The following FRMPD4 variants were observed in gnomAD, a reference collection of about 807,000 sequenced individuals.
The protein encoded by FRMPD4 is FERM and PDZ domain containing 4.
FRMPD4 carries 22 observed loss-of-function variants against 94.1 expected under a neutral mutation model. The observed-to-expected ratio is 0.23, with a 90% CI of 0.17 to 0.33. FRMPD4 has a LOEUF of 0.33. Ranked by LOEUF, FRMPD4 falls within the 10% of genes least tolerant of loss-of-function variation. The pLI is 1.00. For synonymous variants in FRMPD4, 631 were observed against 548.6 expected (o/e 1.15, Z -2.10); for missense variants, 1,111 against 1,339.9 (o/e 0.83, Z 2.67).
chrX:12,617,355 A>G (rs867611677), intron 4 of FRMPD4, among the ~76,000 whole-genome samples: 13 of 112,573 alleles, frequency 1.2e-4, no homozygotes, highest in Non-Finnish European at 2.3e-4. Context: ...CATTTTATCT[A>G]TGTCTGCTTT....
chrX:11,860,860 G>A (rs771476494), intron 1 of FRMPD4, among the ~76,000 whole-genome samples: 2 of 111,785 alleles, frequency 1.8e-5, no homozygotes, highest in East Asian at 5.6e-4. Context: ...TATCCTGGGA[G>A]ATGAAGTTTG....
intron 4 of FRMPD4, among the ~76,000 whole-genome samples, chrX:12,617,261 T>C (rs1472557796): frequency 8.9e-6 from 1 of 112,318 alleles, no homozygotes; most frequent in Non-Finnish European, 1.9e-5. Flanking sequence ...AAAAAATATA[T>C]TTTGTGACAC....
intron 1 of FRMPD4, among the ~76,000 whole-genome samples, chrX:12,168,376 A>AC (rs1915621729): frequency 9.1e-6 from 1 of 109,725 alleles, no homozygotes; most frequent in Admixed American, 9.7e-5. Flanking sequence ...GGAAAAAAAA[A>AC]AAAAAACAAC....
At chrX:11,974,360 C>T (rs2054356440) in intron 3 of FRMPD4, among the ~76,000 whole-genome samples, 1 of 111,691 alleles carries the variant, frequency 9.0e-6, no homozygotes, top group Admixed American at 9.4e-5. Flanking sequence ...CCTCTCTTGC[C>T]ATGTGATTTT....
intron 3 of FRMPD4, among the ~76,000 whole-genome samples, chrX:12,061,538 G>T (rs1345072749): frequency 8.9e-6 from 1 of 111,750 alleles, no homozygotes; most frequent in African/African-American, 3.2e-5. Flanking sequence ...AACCAGTTAG[G>T]AAGATACAGA....
intron 1 of FRMPD4, among the ~76,000 whole-genome samples, chrX:12,195,542 A>G (rs2056556807): frequency 8.9e-6 from 1 of 111,894 alleles, no homozygotes; most frequent in East Asian, 2.8e-4. Flanking sequence ...GCGGAAGCCC[A>G]TCTTAGTTAG....
chrX:11,871,731 G>C (rs1473009281), intron 2 of FRMPD4, among the ~76,000 whole-genome samples: 1 of 111,969 alleles, frequency 8.9e-6, no homozygotes, highest in Non-Finnish European at 1.9e-5. Context: ...TGTGGAGAGA[G>C]TGAAGTGGAC....
At chrX:12,232,476 C>T (rs1182697275) in intron 1 of FRMPD4, among the ~76,000 whole-genome samples, 2 of 110,458 alleles carry the variant, frequency 1.8e-5, no homozygotes, top group African/African-American at 6.6e-5. Context: ...GGGAAGCTGC[C>T]CCCATGATTC....
intron 3 of FRMPD4, among the ~76,000 whole-genome samples, chrX:11,987,425 A>G (rs1432096151): frequency 9.0e-6 from 1 of 111,696 alleles, no homozygotes; most frequent in Admixed American, 9.5e-5. Flanking sequence ...ATACCTCAAC[A>G]TGATAAAAGC....
intron 3 of FRMPD4, among the ~76,000 whole-genome samples, chrX:12,610,486 G>A (rs1219632725): frequency 8.9e-6 from 1 of 112,693 alleles, no homozygotes; most frequent in Non-Finnish European, 1.9e-5. Context: ...AGTGGCTCAC[G>A]CCATAATCCC....
At chrX:12,071,314 A>G (rs2054966277) in intron 3 of FRMPD4, among the ~76,000 whole-genome samples, 1 of 110,700 alleles carries the variant, frequency 9.0e-6, no homozygotes, top group Non-Finnish European at 1.9e-5. Flanking sequence ...CCCTTTTTAA[A>G]TGACAGGAAC....
chrX:12,371,491 G>A (rs897974813), intron 1 of FRMPD4, among the ~76,000 whole-genome samples: 3 of 112,583 alleles, frequency 2.7e-5, no homozygotes, highest in African/African-American at 6.5e-5. Flanking sequence ...AACTGAGCAC[G>A]AAATTCCTAC....
intron 4 of FRMPD4, among the ~76,000 whole-genome samples, chrX:12,635,551 T>G (rs1420348222): frequency 9.0e-6 from 1 of 111,442 alleles, no homozygotes; most frequent in East Asian, 2.8e-4. Context: ...GTATGGTGAC[T>G]GTCTACCTCT....
intron 2 of FRMPD4, among the ~76,000 whole-genome samples, chrX:12,526,155 C>T (rs766005845): frequency 1.8e-5 from 2 of 112,236 alleles, no homozygotes; most frequent in South Asian, 7.5e-4. Context: ...CACTGATTAG[C>T]GGTTCCCACA....
At chrX:12,720,082 G>GAAAGAGAGAGAA (rs1555898506) in intron 16 of FRMPD4, among the ~76,000 whole-genome samples, 5 of 95,030 alleles carry the variant, frequency 5.3e-5, no homozygotes, top group African/African-American at 2.1e-4. Context: ...AAGAAAGAAA[G>GAAAGAGAGAGAA]AGAAAGAAAG....
chrX:12,135,928 C>T (rs1668491118), upstream of FRMPD4, among the ~76,000 whole-genome samples: 1 of 111,501 alleles, frequency 9.0e-6, no homozygotes, highest in Admixed American at 9.5e-5. Flanking sequence ...CAGATGTTGA[C>T]TCAGAGATGA....
intron 3 of FRMPD4, among the ~76,000 whole-genome samples, chrX:11,883,744 A>G (rs777115390): frequency 8.9e-6 from 1 of 112,226 alleles, no homozygotes; most frequent in East Asian, 2.8e-4. Flanking sequence ...GTAATTGTCA[A>G]GGACACTTCC....
chrX:12,677,799 T>A (rs1249084135), intron 5 of FRMPD4, among the ~76,000 whole-genome samples: 1 of 111,556 alleles, frequency 9.0e-6, no homozygotes. Flanking sequence ...GAGACCTAGG[T>A]CAAGGGGGAA....
intron 3 of FRMPD4, among the ~76,000 whole-genome samples, chrX:11,908,936 A>T (rs1292026094): frequency 9.0e-6 from 1 of 111,536 alleles, no homozygotes; most frequent in Non-Finnish European, 1.9e-5. Context: ...TCCTTTTTAT[A>T]TGTTGCTATA....
Sources: allele counts gnomAD v4.1 joint callset (sites outside exome capture counted in the v4.1 genomes callset), GRCh38; gene constraint gnomAD v4.1.1; transcripts MANE v1.5; gene names NCBI Gene and HGNC (gene_info 2026-07-23, HGNC 2026-07-21).